Variants in ZBTB2 observed in about 807,000 individuals in gnomAD.
ZBTB2 encodes zinc finger and BTB domain containing 2.
ZBTB2 carries 2 observed loss-of-function variants against 39.5 expected under a neutral mutation model. The ratio of observed to expected loss-of-function variants is 0.05; its 90% CI spans 0.02 to 0.16. The LOEUF (loss-of-function observed/expected upper bound fraction) is 0.16, where lower values mean the gene tolerates loss of function less well. Ranked by LOEUF, ZBTB2 falls within the 10% of genes least tolerant of loss-of-function variation. The pLI is 1.00. For missense variants in ZBTB2, 391 were observed against 653.0 expected (o/e 0.60, Z 4.37); for synonymous variants, 251 against 256.6 (o/e 0.98, Z 0.21).
intron 1 of ZBTB2, among the ~76,000 whole-genome samples, chr6:151,389,769 TG>T (rs1289139180): frequency 6.6e-6 from 1 of 151,746 alleles, no homozygotes; most frequent in Non-Finnish European, 1.5e-5. Flanking sequence ...CGTATTCGGG[TG>T]GAAGTTCCTG....
At chr6:151,374,981 G>A (rs370764068) in intron 1 of ZBTB2, among the ~76,000 whole-genome samples, 84 of 150,340 alleles carry the variant, frequency 5.6e-4, no homozygotes, top group Non-Finnish European at 1.1e-3. Context: ...TTAGCTGGGC[G>A]TGGTGGCAGG....
chr6:151,387,302 G>T (rs2114882569), intron 1 of ZBTB2, among the ~76,000 whole-genome samples: 1 of 152,022 alleles, frequency 6.6e-6, no homozygotes, highest in East Asian at 1.9e-4. Flanking sequence ...ATCATCTGTT[G>T]GTCATTTGGA....
chr6:151,384,655 T>C (rs1779115492), intron 1 of ZBTB2, among the ~76,000 whole-genome samples: 1 of 152,148 alleles, frequency 6.6e-6, no homozygotes, highest in African/African-American at 2.4e-5. Context: ...CAAATAATAA[T>C]TTGGCGGGAA....
chr6:151,373,262 C>A (rs1778826524), intron 2 of ZBTB2, among the ~76,000 whole-genome samples: 1 of 147,736 alleles, frequency 6.8e-6, no homozygotes. Flanking sequence ...GGAAGGGCTG[C>A]ATAGAGCTGG....
chr6:151,366,634 T>G lies in ZBTB2; in HGVS notation c.432A>C (p.Gln144His), dbSNP rs762387703. ...GIQIADHQLR[Q>H]ATKIASAPEK... ...CAGGTGCTGAAGCAATCTTGGTGGC[T>G]TGTCTCAACTGATGATCTGCAATCT... Residue 144 changes from glutamine (Q) to histidine (H), a missense_variant, in exon 3 of 3, where the codon CAA becomes CAC. This residue lies in a region of ZBTB2 where 175 missense variants were observed against 198.6 expected (regional missense o/e 0.88). Coordinates refer to ENST00000325144, the MANE Select transcript of ZBTB2 (RefSeq NM_020861.3). The surrounding 1 kb of genome is among the most constrained non-coding windows in gnomAD (Gnocchi z 7.1). 6.8e-6 allele frequency: 11 copies of G among 1,614,102 alleles called. No homozygotes were observed. The Admixed American group carries it at 1.3e-4, about 20-fold the overall frequency.
chr6:151,367,376 C>A (rs1414104352), intron 2 of ZBTB2, among the ~76,000 whole-genome samples: 1 of 152,210 alleles, frequency 6.6e-6, no homozygotes. Context: ...CCTCCTTGGC[C>A]TCCCAAAGTG....
chr6:151,389,490 G>A (rs1275447683), intron 1 of ZBTB2, among the ~76,000 whole-genome samples: 4 of 152,182 alleles, frequency 2.6e-5, no homozygotes, highest in African/African-American at 9.7e-5. Context: ...TCGCCCTGGT[G>A]CTCCAACGGG....
At chr6:151,368,142 ATTTTC>A (rs545716777) in intron 2 of ZBTB2, among the ~76,000 whole-genome samples, 5 of 152,040 alleles carry the variant, frequency 3.3e-5, no homozygotes, top group Admixed American at 2.0e-4. Context: ...ATTAACAAAT[ATTTTC>A]TTTTCTTTTC....
chr6:151,365,740 C>T lies in ZBTB2; in HGVS notation c.1326G>A (p.Val442=). 1.9e-6 allele frequency: 3 copies of T among 1,614,160 alleles called. No homozygotes were observed. The highest frequency in any genetic ancestry group is 1.1e-5 in the South Asian group (1 of 91,082). ...TGCATTTGTAGGGTTTGTTTGTTTG[C>T]ACCAGCATGTTGTCCATCTGACTCC... ...EEGSQMDNML[V]QTNKPYKCNL... is the part of the protein sequence containing the mutation. The change falls in exon 3 of 3, where the codon GTG becomes GTA. Residue 442 remains valine (V), a synonymous_variant. Coordinates refer to ENST00000325144, the MANE Select transcript of ZBTB2 (RefSeq NM_020861.3). The surrounding 1 kb of genome is among the most constrained non-coding windows in gnomAD (Gnocchi z 5.6).
At position 151,366,654 on chromosome 6, in the gene ZBTB2, C is replaced by T. The variant is rs767242285; in HGVS notation, c.412G>A (p.Ala138Thr). The T allele has an allele frequency of 6.2e-7, 1 of 1,614,100 alleles. No individual in the cohort carries two copies. The highest frequency in any genetic ancestry group is 1.1e-5 in the South Asian group (1 of 91,076). ...LASSLYGIQI[A>T]DHQLRQATKI... ...GTGGCTTGTCTCAACTGATGATCTG[C>T]AATCTGAATGCCATACAATGAAGAA... Residue 138 changes from alanine (A) to threonine (T), a missense_variant, in exon 3 of 3, where the codon GCA (alanine) becomes ACA (threonine). Ala to Thr is a moderately conservative substitution (Grantham distance 58). Transcript: ENST00000325144. The surrounding 1 kb of genome is among the most constrained non-coding windows in gnomAD (Gnocchi z 7.1).
rs973118740 is a variant in ZBTB2, at chr6:151,391,548, T to A, written c.-141A>T. The A allele has an allele frequency of 6.9e-6, 1 of 145,888 alleles. No homozygotes were observed. Among genetic ancestry groups the A allele is most frequent in the African/African-American group, 2.7e-5 (1 of 37,498 alleles). 9.0% of individuals were successfully genotyped at this position (145,888 alleles called of 1,614,324 possible). A position where few individuals can be genotyped will look rare whatever the true frequency, so the allele number is the denominator to read the frequency against. ...CTGCTGCTGCTGCCGCCGCGGTCGGTGTCTCCGGCGCGGCGGCGGCGGCGG... is the reference window on the plus strand; with the variant it reads ...CTGCTGCTGCTGCCGCCGCGGTCGGAGTCTCCGGCGCGGCGGCGGCGGCGG... On this transcript the variant is annotated 5_prime_UTR_variant, in exon 1 of 3. Coordinates refer to ENST00000325144, the MANE Select transcript of ZBTB2 (RefSeq NM_020861.3).
At chr6:151,376,604 T>C (rs760731955) in intron 1 of ZBTB2, among the ~76,000 whole-genome samples, 1 of 152,124 alleles carries the variant, frequency 6.6e-6, no homozygotes, top group Non-Finnish European at 1.5e-5. Flanking sequence ...GAAAAGATGT[T>C]CGAAACCACT....
At chr6:151,374,801 T>C (rs1582917894) in intron 1 of ZBTB2, among the ~76,000 whole-genome samples, 1 of 131,760 alleles carries the variant, frequency 7.6e-6, no homozygotes, top group Admixed American at 7.5e-5. Flanking sequence ...AGGCATCTAT[T>C]AAAAAAAAAA....
At chr6:151,374,949 A>AC (rs2114864004) in intron 1 of ZBTB2, among the ~76,000 whole-genome samples, 1 of 150,426 alleles carries the variant, frequency 6.6e-6, no homozygotes, top group East Asian at 1.9e-4. Context: ...AAAAAAAAAA[A>AC]AAAAACAACA....
At chr6:151,380,642 C>T (rs1779013436) in intron 1 of ZBTB2, among the ~76,000 whole-genome samples, 1 of 152,194 alleles carries the variant, frequency 6.6e-6, no homozygotes, top group African/African-American at 2.4e-5. Context: ...TACTCAGCCT[C>T]TTGGCGGCAT....
intron 1 of ZBTB2, among the ~76,000 whole-genome samples, chr6:151,386,684 T>C (rs1269916934): frequency 6.6e-6 from 1 of 152,202 alleles, no homozygotes; most frequent in African/African-American, 2.4e-5. Context: ...ATAACACAGG[T>C]GAGTTTCAAA....
intron 2 of ZBTB2, among the ~76,000 whole-genome samples, chr6:151,373,154 C>CAAAAAA (rs58019601): frequency 1.8e-4 from 5 of 27,852 alleles, no homozygotes; most frequent in Admixed American, 1.6e-3. Flanking sequence ...GACTCCGTCT[C>CAAAAAA]AAAAAAAAAA....
rs781386028 is a variant in ZBTB2, at chr6:151,365,262, TA to T, written c.*258del. Reference sequence around the variant, plus strand: ...GTTCCAAGTATGCTTCTGAATAATCTAAAACCTCTCAAAATTTGAGTTTATA... The same window carrying T: ...GTTCCAAGTATGCTTCTGAATAATCTAAACCTCTCAAAATTTGAGTTTATA... On this transcript the variant is annotated 3_prime_UTR_variant, in exon 3 of 3. Coordinates refer to ENST00000325144, the MANE Select transcript of ZBTB2 (RefSeq NM_020861.3). The surrounding 1 kb of genome is among the most constrained non-coding windows in gnomAD (Gnocchi z 5.6). 14 of 383,948 alleles carry T rather than the reference TA, an allele frequency of 3.6e-5. No individual in the cohort carries two copies. Among genetic ancestry groups the T allele is most frequent in the Admixed American group, 4.4e-5 (1 of 22,824 alleles). 23.8% of individuals were successfully genotyped at this position (383,948 alleles called of 1,614,324 possible).
intron 1 of ZBTB2, among the ~76,000 whole-genome samples, chr6:151,383,574 T>C (rs1057310052): frequency 4.6e-5 from 7 of 152,254 alleles, no homozygotes; most frequent in African/African-American, 1.4e-4. Context: ...TGGTGATGAT[T>C]TGGCTCCTGA....
Sources: gnomAD v4.1 joint callset for allele counts (sites outside exome capture counted in the v4.1 genomes callset) on GRCh38, gnomAD v4.1.1 for gene constraint, gnomAD v4.1.1 regional missense constraint, Gnocchi (gnomAD v3.1) non-coding constraint, MANE v1.5 for transcripts, NCBI Gene and HGNC (gene_info 2026-07-23, HGNC 2026-07-21) for gene names.